The following ADGB variants were observed in gnomAD, a reference collection of about 807,000 sequenced individuals.
The protein encoded by ADGB is androglobin.
A neutral mutation model predicts 210.5 loss-of-function variants in ADGB; 172 were observed. The observed-to-expected ratio is 0.82, with a 90% CI of 0.72 to 0.93. ADGB has a LOEUF of 0.93. Ranked by LOEUF, ADGB falls within the 40% of genes least tolerant of loss-of-function variation. The probability of loss-of-function intolerance (pLI) is 0.00; values close to 1 mark genes in which losing one functional copy is unlikely to be tolerated. For synonymous variants in ADGB, 658 were observed against 662.7 expected (o/e 0.99, Z 0.11); for missense variants, 2,025 against 1,964.8 (o/e 1.03, Z -0.58).
intron 20 of ADGB, among the ~76,000 whole-genome samples, chr6:146,728,968 G>A (rs556909125): frequency 6.6e-6 from 1 of 152,314 alleles, no homozygotes; most frequent in South Asian, 2.1e-4. Flanking sequence ...TGGCTTACTG[G>A]AAATCAGCTA....
intron 9 of ADGB, among the ~76,000 whole-genome samples, chr6:146,679,958 GT>G (rs1776135511): frequency 6.6e-6 from 1 of 152,106 alleles, no homozygotes; most frequent in Admixed American, 6.6e-5. Flanking sequence ...TAGTACTCTA[GT>G]ATAGAGTTCA....
chr6:146,757,648 T>C (rs1312762474), intron 27 of ADGB, among the ~76,000 whole-genome samples: 1 of 151,896 alleles, frequency 6.6e-6, no homozygotes, highest in East Asian at 1.9e-4. Context: ...GAAGTAAGGA[T>C]CCTTCTGTTC....
chr6:146,622,461 T>C (rs1010151759), intron 1 of ADGB, among the ~76,000 whole-genome samples: 1 of 152,078 alleles, frequency 6.6e-6, no homozygotes, highest in African/African-American at 2.4e-5. Flanking sequence ...TATCATCACA[T>C]AGCCAACAAT....
At chr6:146,805,396 G>A (rs1342209730) in intron 35 of ADGB, among the ~76,000 whole-genome samples, 1 of 152,132 alleles carries the variant, frequency 6.6e-6, no homozygotes, top group Non-Finnish European at 1.5e-5. Flanking sequence ...GCCCCAGCAA[G>A]CTAATAAAGA....
chr6:146,715,511 G>C, intron 14 of ADGB, 96 bp downstream of exon 14: 3 of 799,662 alleles, frequency 3.8e-6, no homozygotes, highest in Non-Finnish European at 5.7e-6. Flanking sequence ...GCTCTCAGCA[G>C]CCTTTCTTCA....
At chr6:146,812,651 G>A (rs1778318986) in intron 35 of ADGB, among the ~76,000 whole-genome samples, 1 of 152,200 alleles carries the variant, frequency 6.6e-6, no homozygotes, top group Admixed American at 6.5e-5. Flanking sequence ...CTTCTTGTAT[G>A]TTCTGCACCT....
At chr6:146,724,110 T>TA (rs567231845) in intron 17 of ADGB, 76 bp from the exon 18 acceptor site, 9 of 1,198,056 alleles carry the variant, frequency 7.5e-6, no homozygotes, top group South Asian at 1.7e-5. Context: ...TGTTACTTAA[T>TA]AAAAAAAGAC....
chr6:146,773,079 C>T (rs1419622848), intron 29 of ADGB, among the ~76,000 whole-genome samples: 1 of 152,030 alleles, frequency 6.6e-6, no homozygotes, highest in Non-Finnish European at 1.5e-5. Context: ...GCACATAGCT[C>T]ACTATTCAAG....
At position 146,701,052 on chromosome 6, in the gene ADGB, A is replaced by G; in HGVS notation, c.1689A>G (p.Ile563Met). Residue 563 changes from isoleucine to methionine, a missense_variant, in exon 13 of 36, where the codon ATA becomes ATG. Transcript: ENST00000397944. ...ATAGCCAGACAGACTTGAGTCAAATAACAAAAGCTACATCTCAGGTGACTA... is the reference window on the plus strand; with the variant it reads ...ATAGCCAGACAGACTTGAGTCAAATGACAAAAGCTACATCTCAGGTGACTA... The part of the protein sequence containing the change: ...ATHSQTDLSQ[I>M]TKATSQGNTA... 6.4e-7 allele frequency: 1 copy of G among 1,550,590 alleles called. No homozygotes were observed. The highest frequency in any genetic ancestry group is 2.4e-5 in the East Asian group (1 of 40,848).
At chr6:146,726,347 C>A (rs531792926) in intron 19 of ADGB, 150 bp downstream of exon 19, 2 of 507,222 alleles carry the variant, frequency 3.9e-6, no homozygotes, top group Admixed American at 5.9e-5. Context: ...CTCAGCCCCC[C>A]AAGTAGCTGG....
intron 9 of ADGB, among the ~76,000 whole-genome samples, chr6:146,683,907 A>G (rs983399117): frequency 2.0e-5 from 3 of 152,136 alleles, no homozygotes; most frequent in Non-Finnish European, 2.9e-5. Flanking sequence ...AAAATTTCTA[A>G]TGCATAATGT....
chr6:146,803,763 G>A (rs913605560), intron 35 of ADGB: 1 of 680,542 alleles, frequency 1.5e-6, no homozygotes, highest in Non-Finnish European at 2.5e-6. Context: ...CCCAGCCTCC[G>A]CGCTGACAAT....
intron 9 of ADGB, among the ~76,000 whole-genome samples, chr6:146,681,546 A>G (rs978698915): frequency 1.3e-5 from 2 of 152,116 alleles, no homozygotes; most frequent in African/African-American, 4.8e-5. Context: ...TAAGACTGCA[A>G]CCTCTTTGTT....
intron 29 of ADGB, among the ~76,000 whole-genome samples, chr6:146,777,843 C>T (rs763530094): frequency 2.0e-5 from 3 of 152,122 alleles, no homozygotes; most frequent in African/African-American, 2.4e-5. Context: ...ACGTGAGGTA[C>T]ATTTTAAACT....
At chr6:146,692,151 T>C (rs1767235576) in intron 11 of ADGB, among the ~76,000 whole-genome samples, 1 of 152,222 alleles carries the variant, frequency 6.6e-6, no homozygotes, top group African/African-American at 2.4e-5. Context: ...CTGATTTTGC[T>C]ACTGATTGCT....
chr6:146,724,167 C>A lies in ADGB; in HGVS notation c.2096-19C>A, dbSNP rs1198082872. On this transcript the variant is annotated intron_variant, in intron 17 of 35. Coordinates refer to ENST00000397944, the MANE Select transcript of ADGB (RefSeq NM_024694.4). ...CACTTTCATGATCAAACTTTAATACCTTTTTACTTATCTTAAAGCCTTAAC... is the reference window on the plus strand; with the variant it reads ...CACTTTCATGATCAAACTTTAATACATTTTTACTTATCTTAAAGCCTTAAC... 11 of 1,539,134 alleles carry A rather than the reference C, an allele frequency of 7.1e-6. No homozygotes were observed. Among genetic ancestry groups the A allele is most frequent in the Non-Finnish European group, 9.6e-6 (11 of 1,142,940 alleles).
At chr6:146,681,525 G>A (rs888155564) in intron 9 of ADGB, among the ~76,000 whole-genome samples, 1 of 152,112 alleles carries the variant, frequency 6.6e-6, no homozygotes, top group Non-Finnish European at 1.5e-5. Flanking sequence ...ACACCTGGTT[G>A]TGTCAAAGAT....
At chr6:146,670,145 G>T (rs1053003628) in intron 7 of ADGB, among the ~76,000 whole-genome samples, 2 of 151,980 alleles carry the variant, frequency 1.3e-5, no homozygotes, top group Non-Finnish European at 2.9e-5. Flanking sequence ...ACTTATAACT[G>T]GTCTCCTAGA....
At position 146,752,619 on chromosome 6, in the gene ADGB, A is replaced by G; in HGVS notation, c.3455A>G (p.Glu1152Gly). The change falls in exon 27 of 36, where the codon GAA becomes GGA. Residue 1152 changes from glutamate to glycine, a missense_variant. Transcript: ENST00000397944. ...GCATTCATCAAGCTGCAGGTCCTAG[A>G]AAATGAAGAAACTATGGTGAGCTCC... ...PDAFIKLQVLENEETMVSSTG... is the reference protein window; with the variant it reads ...PDAFIKLQVLGNEETMVSSTG... 1 of 1,551,040 alleles carries G rather than the reference A, an allele frequency of 6.4e-7. No homozygotes were observed. Among genetic ancestry groups the G allele is most frequent in the Non-Finnish European group, 8.7e-7 (1 of 1,146,508 alleles).
Sources: allele counts gnomAD v4.1 joint callset (sites outside exome capture counted in the v4.1 genomes callset), GRCh38; gene constraint gnomAD v4.1.1; transcripts MANE v1.5; gene names NCBI Gene and HGNC (gene_info 2026-07-23, HGNC 2026-07-21).